TBC1D19: variants seen among roughly 807,000 people sequenced by gnomAD.
The protein encoded by TBC1D19 is TBC1 domain family, member 19.
In TBC1D19, 60 loss-of-function variants were observed where a neutral mutation model predicts 89.0. That is an observed-to-expected ratio of 0.67 (90% CI 0.55 to 0.84). TBC1D19 has a LOEUF of 0.84. Among genes scored for constraint, TBC1D19 ranks in the 40% least tolerant of loss-of-function variants. TBC1D19 has a pLI of 0.00. For synonymous variants in TBC1D19, 189 were observed against 199.7 expected (o/e 0.95, Z 0.45); for missense variants, 500 against 610.8 (o/e 0.82, Z 1.91).
At chr4:26,851,483 T>C in the TBC1D19 span, among the ~76,000 whole-genome samples, 370 of 152,304 alleles carry the variant, frequency 2.4e-3, 3 homozygotes, top group African/African-American at 8.6e-3. Flanking sequence ...ATTCCAGGGT[T>C]GAACAGTTCC....
the TBC1D19 span, among the ~76,000 whole-genome samples, chr4:26,809,422 C>T: frequency 2.0e-5 from 3 of 152,130 alleles, no homozygotes; most frequent in Non-Finnish European, 4.4e-5. Flanking sequence ...TAAGACCACA[C>T]TCCTATTGGG....
intron 11 of TBC1D19, among the ~76,000 whole-genome samples, chr4:26,681,045 GC>G (rs1015991932): frequency 2.6e-4 from 39 of 152,260 alleles, no homozygotes; most frequent in African/African-American, 8.9e-4. Flanking sequence ...AATTCAAATG[GC>G]CAATAAATAT....
intron 4 of TBC1D19, among the ~76,000 whole-genome samples, chr4:26,622,151 G>A (rs1349464267): frequency 1.3e-5 from 2 of 151,952 alleles, no homozygotes; most frequent in African/African-American, 2.4e-5. Context: ...GCTAAATGAC[G>A]AGTTAATGGG....
At chr4:26,770,540 AC>A in the TBC1D19 span, among the ~76,000 whole-genome samples, 1 of 152,032 alleles carries the variant, frequency 6.6e-6, no homozygotes, top group Admixed American at 6.6e-5. Flanking sequence ...TACCTATTCC[AC>A]CAATAATTGA....
intron 13 of TBC1D19, among the ~76,000 whole-genome samples, chr4:26,702,539 G>A (rs1190123637): frequency 2.0e-5 from 3 of 152,130 alleles, no homozygotes; most frequent in Non-Finnish European, 2.9e-5. Flanking sequence ...ATCACAAACA[G>A]TAAGTACTAT....
chr4:26,601,082 A>G (rs1208981388), intron 1 of TBC1D19, among the ~76,000 whole-genome samples: 1 of 151,956 alleles, frequency 6.6e-6, no homozygotes, highest in African/African-American at 2.4e-5. Flanking sequence ...TTAAAATATC[A>G]CTTCTGTTTT....
intron 11 of TBC1D19, among the ~76,000 whole-genome samples, chr4:26,679,600 G>T (rs145372761): frequency 1.2e-3 from 188 of 152,316 alleles, no homozygotes; most frequent in African/African-American, 4.2e-3. Context: ...GCCTACTGGA[G>T]CTGTGAGAAG....
chr4:26,817,540 C>T, the TBC1D19 span, among the ~76,000 whole-genome samples: 1 of 152,130 alleles, frequency 6.6e-6, no homozygotes, highest in Admixed American at 6.5e-5. Flanking sequence ...CCCCAGGTTG[C>T]TGTGGGGTTT....
intron 13 of TBC1D19, among the ~76,000 whole-genome samples, chr4:26,707,995 T>C (rs952406802): frequency 4.6e-5 from 7 of 152,102 alleles, no homozygotes; most frequent in African/African-American, 1.7e-4. Context: ...TGTACGAGTT[T>C]CTTAAATCAT....
At chr4:26,688,041 A>T (rs1303544394) in intron 12 of TBC1D19, among the ~76,000 whole-genome samples, 1 of 152,158 alleles carries the variant, frequency 6.6e-6, no homozygotes, top group Non-Finnish European at 1.5e-5. Context: ...GGATGTTATG[A>T]TTGCATCCGC....
At chr4:26,623,171 A>C (rs1303550210) in intron 4 of TBC1D19, among the ~76,000 whole-genome samples, 1 of 152,040 alleles carries the variant, frequency 6.6e-6, no homozygotes, top group Non-Finnish European at 1.5e-5. Context: ...ACGTTTCATA[A>C]TCTCTTCCCC....
chr4:26,719,950 A>G (rs559235748), intron 14 of TBC1D19, 131 bp from the exon 15 acceptor site: 7 of 605,768 alleles, frequency 1.2e-5, no homozygotes, highest in East Asian at 6.7e-5. Context: ...AGTTAATTTC[A>G]TATCATGAAA....
chr4:26,583,260 A>C (rs1445590229), upstream of TBC1D19, among the ~76,000 whole-genome samples: 1 of 152,186 alleles, frequency 6.6e-6, no homozygotes, highest in Non-Finnish European at 1.5e-5. Context: ...AATTTAAGTC[A>C]GTTACTTTTA....
chr4:26,830,656 AC>A, the TBC1D19 span, among the ~76,000 whole-genome samples: 1 of 152,172 alleles, frequency 6.6e-6, no homozygotes, highest in African/African-American at 2.4e-5. Flanking sequence ...ATTACAAAGA[AC>A]CAGGGCCCAA....
chr4:26,848,455 T>C, the TBC1D19 span, among the ~76,000 whole-genome samples: 1 of 152,248 alleles, frequency 6.6e-6, no homozygotes, highest in East Asian at 1.9e-4. Context: ...ACTAAGGACA[T>C]GTGCAACTAA....
At chr4:26,853,826 C>T in the TBC1D19 span, among the ~76,000 whole-genome samples, 8 of 152,218 alleles carry the variant, frequency 5.3e-5, no homozygotes, top group Non-Finnish European at 7.3e-5. Context: ...TGAGCCACCG[C>T]GCCTGGCCAA....
At chr4:26,734,039 A>C (rs1717821243) in intron 15 of TBC1D19, among the ~76,000 whole-genome samples, 1 of 152,196 alleles carries the variant, frequency 6.6e-6, no homozygotes, top group Admixed American at 6.5e-5. Flanking sequence ...CAGGAGAGAG[A>C]GCAGTGTCTT....
At chr4:26,715,011 CACTT>C (rs1716494066) in intron 13 of TBC1D19, among the ~76,000 whole-genome samples, 1 of 152,030 alleles carries the variant, frequency 6.6e-6, no homozygotes, top group East Asian at 1.9e-4. Flanking sequence ...TACACTCACT[CACTT>C]GATGATTCCA....
chr4:26,829,904 C>G, the TBC1D19 span, among the ~76,000 whole-genome samples: 1 of 152,136 alleles, frequency 6.6e-6, no homozygotes, highest in Non-Finnish European at 1.5e-5. Context: ...GCCCAGTGTG[C>G]TCTGGTAAGA....
Sources: allele counts gnomAD v4.1 joint callset (sites outside exome capture counted in the v4.1 genomes callset), GRCh38; gene constraint gnomAD v4.1.1; transcripts MANE v1.5; gene names NCBI Gene and HGNC (gene_info 2026-07-23, HGNC 2026-07-21).